The following SRP54 variants were observed in gnomAD, a reference collection of about 807,000 sequenced individuals.
The protein encoded by SRP54 is signal recognition particle 54.
In SRP54, 10 loss-of-function variants were observed where a neutral mutation model predicts 64.8. The ratio of observed to expected loss-of-function variants is 0.15; its 90% CI spans 0.10 to 0.26. The LOEUF (loss-of-function observed/expected upper bound fraction) is 0.26. Ranked by LOEUF, SRP54 falls within the 10% of genes least tolerant of loss-of-function variation. SRP54 has a pLI of 1.00. For missense variants in SRP54, 325 were observed against 613.7 expected, an observed-to-expected ratio of 0.53 and a Z score of 4.97; for synonymous variants, 193 against 185.6, an observed-to-expected ratio of 1.04 and a Z score of -0.32.
intron 1 of SRP54, among the ~76,000 whole-genome samples, chr14:34,995,984 G>T (rs1190005537): frequency 1.3e-5 from 2 of 151,282 alleles, no homozygotes; most frequent in Non-Finnish European, 2.9e-5. Flanking sequence ...AGGATTTCCT[G>T]CGCCCAGGAA....
chr14:34,984,711 A>G (rs547673129), intron 1 of SRP54, among the ~76,000 whole-genome samples: 1 of 152,258 alleles, frequency 6.6e-6, no homozygotes, highest in East Asian at 1.9e-4. Context: ...CATGTTGGCC[A>G]GGTTGGTCTT....
chr14:35,014,646 T>C, intron 10 of SRP54, 98 bp from the exon 11 acceptor site: 1 of 925,290 alleles, frequency 1.1e-6, no homozygotes, highest in Non-Finnish European at 1.7e-6. Context: ...CCTAACCTAT[T>C]ATAACCTCAC....
chr14:34,985,307 CCTCTT>C (rs1289011063), intron 1 of SRP54, among the ~76,000 whole-genome samples: 3 of 152,164 alleles, frequency 2.0e-5, no homozygotes, highest in Non-Finnish European at 4.4e-5. Flanking sequence ...GTCCCTTTGA[CCTCTT>C]CTCTATTAAC....
At chr14:35,013,661 C>A in intron 9 of SRP54, 141 bp from the exon 10 acceptor site, 1 of 1,042,354 alleles carries the variant, frequency 9.6e-7, no homozygotes, top group Non-Finnish European at 1.4e-6. Context: ...TGATATAGGT[C>A]TATTATAACT....
intron 1 of SRP54, among the ~76,000 whole-genome samples, chr14:34,994,022 T>C (rs1474229468): frequency 6.7e-6 from 1 of 149,138 alleles, no homozygotes; most frequent in African/African-American, 2.5e-5. Context: ...AATACGGACT[T>C]TCTCTCTTGT....
At chr14:35,000,844 T>C in intron 3 of SRP54, 92 bp from the exon 4 acceptor site, 1 of 568,864 alleles carries the variant, frequency 1.8e-6, no homozygotes, top group Non-Finnish European at 3.0e-6. Context: ...TGACTGAATG[T>C]TGTACATTCT....
chr14:35,023,604 T>C (rs1595015327), intron 14 of SRP54, among the ~76,000 whole-genome samples: 1 of 151,936 alleles, frequency 6.6e-6, no homozygotes, highest in African/African-American at 2.4e-5. Flanking sequence ...GCCAGCATGG[T>C]GAAACCCTGC....
At chr14:35,026,919 G>A (rs534252333) in intron 14 of SRP54, among the ~76,000 whole-genome samples, 2 of 152,072 alleles carry the variant, frequency 1.3e-5, no homozygotes, top group East Asian at 3.9e-4. Flanking sequence ...CTCCAGCCTG[G>A]GTGACAGAGC....
At chr14:35,002,816 T>G (rs2044197996) in intron 4 of SRP54, among the ~76,000 whole-genome samples, 1 of 141,652 alleles carries the variant, frequency 7.1e-6, no homozygotes, top group Non-Finnish European at 1.5e-5. Flanking sequence ...CAATCATGGC[T>G]CACTGTAGCC....
At chr14:34,997,917 C>T (rs1259184666) in intron 2 of SRP54, among the ~76,000 whole-genome samples, 1 of 151,782 alleles carries the variant, frequency 6.6e-6, no homozygotes, top group East Asian at 1.9e-4. Context: ...TGTTGTGTAG[C>T]CCTTATGTTC....
At chr14:35,023,293 G>GA (rs919974159) in intron 14 of SRP54, among the ~76,000 whole-genome samples, 53 of 149,132 alleles carry the variant, frequency 3.6e-4, no homozygotes, top group African/African-American at 8.9e-4. Context: ...GTGGGTAAAT[G>GA]AAAAAAAATT....
intron 4 of SRP54, among the ~76,000 whole-genome samples, chr14:35,001,614 C>A (rs2044174745): frequency 6.6e-6 from 1 of 152,192 alleles, no homozygotes; most frequent in Non-Finnish European, 1.5e-5. Context: ...CGTTCACTAT[C>A]ATGTTTTGCC....
chr14:35,002,603 T>C (rs1454768189), intron 4 of SRP54, among the ~76,000 whole-genome samples: 2 of 151,336 alleles, frequency 1.3e-5, no homozygotes, highest in Non-Finnish European at 2.9e-5. Flanking sequence ...CAGCTAATTT[T>C]TTTTTGTATT....
intron 3 of SRP54, 33 bp downstream of exon 3, chr14:34,999,682 C>CAGTTT (rs1566645915): frequency 1.3e-6 from 2 of 1,487,500 alleles, no homozygotes; most frequent in South Asian, 1.1e-5. Context: ...AACACAGGCA[C>CAGTTT]AGTTTAGTTT....
intron 4 of SRP54, among the ~76,000 whole-genome samples, chr14:35,004,378 T>C (rs28569331): frequency 0.17 from 26,036 of 152,244 alleles, 2,408 homozygotes; most frequent in East Asian, 0.31. Context: ...TTATGTATAG[T>C]GAAATATGTC....
At chr14:34,995,927 T>C (rs1001525813) in intron 1 of SRP54, among the ~76,000 whole-genome samples, 2 of 152,114 alleles carry the variant, frequency 1.3e-5, no homozygotes, top group African/African-American at 4.8e-5. Flanking sequence ...TAGCTGGGCA[T>C]GGTGGCATGC....
intron 1 of SRP54, among the ~76,000 whole-genome samples, chr14:34,993,924 A>G (rs1594981090): frequency 6.6e-6 from 1 of 151,832 alleles, no homozygotes; most frequent in East Asian, 1.9e-4. Context: ...CGAACTCCCA[A>G]CCTCAGGTGA....
intron 1 of SRP54, among the ~76,000 whole-genome samples, chr14:34,984,484 A>G (rs922299870): frequency 1.3e-5 from 2 of 151,862 alleles, no homozygotes; most frequent in African/African-American, 4.8e-5. Flanking sequence ...ACCATGTCCA[A>G]ACCTTATTCT....
intron 7 of SRP54, among the ~76,000 whole-genome samples, chr14:35,011,133 A>G (rs1294991675): frequency 6.6e-6 from 1 of 152,012 alleles, no homozygotes; most frequent in Non-Finnish European, 1.5e-5. Context: ...TATATTGCTC[A>G]GGCTTGTTAC....
Sources: allele counts gnomAD v4.1 joint callset (sites outside exome capture counted in the v4.1 genomes callset), GRCh38; gene constraint gnomAD v4.1.1; transcripts MANE v1.5; gene names NCBI Gene and HGNC (gene_info 2026-07-23, HGNC 2026-07-21).